The following CEP170 variants were observed in gnomAD, a reference collection of about 807,000 sequenced individuals.
CEP170 encodes the protein centrosomal protein of 170 kDa.
In CEP170, 21 loss-of-function variants were observed where a neutral mutation model predicts 151.9. The ratio of observed to expected loss-of-function variants is 0.14; its 90% confidence interval spans 0.10 to 0.20. The LOEUF is 0.20. Ranked by LOEUF, CEP170 falls within the 10% of genes least tolerant of loss-of-function variation. CEP170 has a pLI of 1.00. For missense variants in CEP170, 964 were observed against 1,892.9 expected (o/e 0.51, Z 9.11); for synonymous variants, 356 against 648.8 (o/e 0.55, Z 6.86).
chr1:243,131,536 A>G (rs370893727), intron 17 of CEP170, among the ~76,000 whole-genome samples: 75 of 152,244 alleles, frequency 4.9e-4, no homozygotes, highest in African/African-American at 1.8e-3. Context: ...TTTGTAATAT[A>G]TAATAGAACA....
chr1:243,254,697 G>C (rs1422358637), intron 1 of CEP170, among the ~76,000 whole-genome samples: 1 of 149,092 alleles, frequency 6.7e-6, no homozygotes, highest in African/African-American at 2.5e-5. Flanking sequence ...AAAGCCAGTC[G>C]AAAGCTGAAA....
intron 2 of CEP170, among the ~76,000 whole-genome samples, chr1:243,222,234 G>A (rs1178434980): frequency 2.6e-5 from 4 of 152,042 alleles, no homozygotes; most frequent in East Asian, 1.9e-4. Context: ...ACTATTCAAA[G>A]AGTCCAAAGA....
At chr1:243,146,479 A>G (rs1333483643) in intron 14 of CEP170, among the ~76,000 whole-genome samples, 1 of 152,228 alleles carries the variant, frequency 6.6e-6, no homozygotes, top group Non-Finnish European at 1.5e-5. Context: ...AAAGGCAGGT[A>G]TAAAGTAAAA....
intron 1 of CEP170, among the ~76,000 whole-genome samples, chr1:243,250,928 C>G (rs977434694): frequency 6.6e-6 from 1 of 152,116 alleles, no homozygotes; most frequent in Non-Finnish European, 1.5e-5. Flanking sequence ...AATATGGAAA[C>G]AAGATCAGAA....
intron 2 of CEP170, among the ~76,000 whole-genome samples, 175 bp downstream of exon 2, chr1:243,225,001 T>C (rs2063112845): frequency 1.3e-5 from 2 of 152,222 alleles, no homozygotes; most frequent in South Asian, 2.1e-4. Context: ...TCTTCAAGAC[T>C]TAGAACTTTT....
At chr1:243,128,966 T>G (rs996552768) in intron 18 of CEP170, 1 of 153,800 alleles carries the variant, frequency 6.5e-6, no homozygotes, top group Non-Finnish European at 1.4e-5. Context: ...AACCTCAATA[T>G]TATAATTATA....
At chr1:243,126,977 G>C (rs1461740146) in intron 19 of CEP170, among the ~76,000 whole-genome samples, 3 of 152,120 alleles carry the variant, frequency 2.0e-5, no homozygotes, top group South Asian at 2.1e-4. Flanking sequence ...TCAGAGACTT[G>C]TAAGTCTGGT....
chr1:243,127,269 C>T (rs181218125), intron 19 of CEP170, among the ~76,000 whole-genome samples: 185 of 152,248 alleles, frequency 1.2e-3, no homozygotes, highest in South Asian at 6.9e-3. Flanking sequence ...CAGGGGTTCC[C>T]TCAGAGCCTA....
chr1:243,129,223 G>T (rs2054080983), intron 18 of CEP170, 137 bp downstream of exon 18: 7 of 524,640 alleles, frequency 1.3e-5, no homozygotes, highest in Middle Eastern at 9.5e-4. Flanking sequence ...GTCAGTAGAA[G>T]AAATAAAATT....
intron 19 of CEP170, among the ~76,000 whole-genome samples, 166 bp downstream of exon 19, chr1:243,128,083 T>A (rs1406936670): frequency 1.3e-5 from 2 of 152,204 alleles, no homozygotes; most frequent in Admixed American, 6.5e-5. Context: ...ATACTGGGTT[T>A]AAAAAAATTC....
intron 12 of CEP170, among the ~76,000 whole-genome samples, chr1:243,167,673 G>A (rs967479799): frequency 6.6e-6 from 1 of 151,124 alleles, no homozygotes; most frequent in African/African-American, 2.4e-5. Flanking sequence ...AATCCTAAAA[G>A]TTTAGTATTT....
chr1:243,173,220 C>T (rs2058985458), intron 10 of CEP170, among the ~76,000 whole-genome samples: 1 of 151,620 alleles, frequency 6.6e-6, no homozygotes, highest in African/African-American at 2.4e-5. Context: ...GCAACCATGC[C>T]CGGCTAATTT....
At position 243,126,509 on chromosome 1, in the gene CEP170, A is replaced by G; in HGVS notation, c.4695T>C (p.Ser1565=). The G allele has an allele frequency of 5.6e-6, 9 of 1,608,210 alleles. No individual in the cohort carries two copies. The highest frequency in any genetic ancestry group is 7.6e-6 in the Non-Finnish European group (9 of 1,176,852). ...FENAESEADF[S]IHFNRFNPDG... Reference sequence around the variant, plus strand: ...CGGGGTTGAATCTATTGAAATGTATACTGAAATCAGCCTCAGATTCAGCAT... The same window carrying G: ...CGGGGTTGAATCTATTGAAATGTATGCTGAAATCAGCCTCAGATTCAGCAT... The change falls in exon 20 of 20, where the codon AGT becomes AGC. Residue 1565 remains serine, a synonymous_variant. Transcript: ENST00000366542.
intron 10 of CEP170, among the ~76,000 whole-genome samples, chr1:243,183,203 A>G (rs2059741724): frequency 6.6e-6 from 1 of 152,160 alleles, no homozygotes; most frequent in Non-Finnish European, 1.5e-5. Context: ...CCTGGCACAT[A>G]GTTAATGTTG....
chr1:243,186,228 A>C (rs771233679), intron 9 of CEP170, 31 bp downstream of exon 9: 1 of 1,613,532 alleles, frequency 6.2e-7, no homozygotes, highest in Admixed American at 1.7e-5. Flanking sequence ...TCTTCATCAA[A>C]GAATGCAATC....
At chr1:243,179,209 A>T (rs1313801714) in intron 10 of CEP170, among the ~76,000 whole-genome samples, 1 of 151,950 alleles carries the variant, frequency 6.6e-6, no homozygotes. Flanking sequence ...TTATACTTAG[A>T]TCTCATCTAA....
chr1:243,187,259 T>C (rs1359780451), intron 8 of CEP170, among the ~76,000 whole-genome samples: 2 of 152,230 alleles, frequency 1.3e-5, no homozygotes, highest in African/African-American at 4.8e-5. Flanking sequence ...GGTTTTTCTA[T>C]TTTAGAGCAA....
intron 10 of CEP170, among the ~76,000 whole-genome samples, chr1:243,181,200 G>A (rs2059596364): frequency 6.6e-6 from 1 of 152,146 alleles, no homozygotes; most frequent in African/African-American, 2.4e-5. Context: ...GAAGAAACTG[G>A]TACTGTGATG....
chr1:243,226,446 G>T (rs1001098007), intron 1 of CEP170, among the ~76,000 whole-genome samples: 10 of 151,498 alleles, frequency 6.6e-5, no homozygotes, highest in Non-Finnish European at 1.3e-4. Flanking sequence ...AAATAAAACT[G>T]GTATCAGCTT....
Sources: gnomAD v4.1 joint callset for allele counts (sites outside exome capture counted in the v4.1 genomes callset) on GRCh38, gnomAD v4.1.1 for gene constraint, MANE v1.5 for transcripts, NCBI Gene and HGNC (gene_info 2026-07-23, HGNC 2026-07-21) for gene names.